AGFG2: variants seen among roughly 807,000 people sequenced by gnomAD.
The protein encoded by AGFG2 is arf-GAP domain and FG repeat-containing protein 2.
Under a neutral mutation model 48.0 loss-of-function variants are expected in AGFG2, and 31 were observed. The ratio of observed to expected loss-of-function variants is 0.65; its 90% CI spans 0.49 to 0.87. AGFG2 has a LOEUF of 0.87. AGFG2 is among the 40% of genes least tolerant of loss of function. The probability of loss-of-function intolerance (pLI) is 0.00; values close to 1 mark genes in which losing one functional copy is unlikely to be tolerated. For missense variants in AGFG2, 599 were observed against 632.6 expected (o/e 0.95, Z 0.57); for synonymous variants, 229 against 260.8 (o/e 0.88, Z 1.18).
rs748973775 is a variant in AGFG2, at chr7:100,550,494, A to G, written c.414A>G (p.Lys138=). The G allele has an allele frequency of 6.2e-7, 1 of 1,612,786 alleles. No homozygotes were observed. The highest frequency in any genetic ancestry group is 8.5e-7 in the Non-Finnish European group (1 of 1,178,864). ...PQKVKEFLQE[K]YEKKRWYVPP... is the part of the protein sequence containing the mutation. ...AAGTGAAGGAGTTTCTCCAGGAAAAATATGAGAAGAAGAGATGGTAAGGAG... is the reference window on the plus strand; with the variant it reads ...AAGTGAAGGAGTTTCTCCAGGAAAAGTATGAGAAGAAGAGATGGTAAGGAG... Residue 138 remains lysine, a synonymous_variant, in exon 3 of 12, where the codon AAA becomes AAG. Transcript: ENST00000300176.
intron 1 of AGFG2, among the ~76,000 whole-genome samples, chr7:100,544,348 T>C (rs1277094443): frequency 6.6e-6 from 1 of 152,210 alleles, no homozygotes; most frequent in Non-Finnish European, 1.5e-5. Flanking sequence ...GGGCTGGGTG[T>C]CAAGAATGCA....
At chr7:100,551,793 AG>A (rs1388605639) in intron 3 of AGFG2, among the ~76,000 whole-genome samples, 1 of 147,504 alleles carries the variant, frequency 6.8e-6, no homozygotes, top group African/African-American at 2.5e-5. Flanking sequence ...AGGCTGAGGC[AG>A]GAAAATTGCT....
In AGFG2 at chr7:100,562,648, C is replaced by T. The variant is rs181164917; in HGVS notation, c.1053C>T (p.Gly351=). ...VPPLQSVTMG[G]GGGSSTGLAF... is the part of the protein sequence containing the mutation. Reference sequence around the variant, plus strand: ...CGCTCCAGTCTGTCACGATGGGCGGCGGCGGCGGCAGCAGCACAGGGCTGG... The same window carrying T: ...CGCTCCAGTCTGTCACGATGGGCGGTGGCGGCGGCAGCAGCACAGGGCTGG... Residue 351 remains glycine, a synonymous_variant, in exon 8 of 12, where the codon GGC becomes GGT. Transcript: ENST00000300176. This position sits in a 1 kb window ranked among gnomAD's most constrained non-coding sequence, Gnocchi z 5.4. 41 of 1,610,102 alleles carry T rather than the reference C, an allele frequency of 2.5e-5. No individual in the cohort carries two copies. Among genetic ancestry groups the T allele is most frequent in the Middle Eastern group, 1.7e-4 (1 of 6,056 alleles).
intron 6 of AGFG2, 86 bp downstream of exon 6, chr7:100,555,821 C>G (rs1800749503): frequency 1.3e-6 from 2 of 1,541,262 alleles, no homozygotes; most frequent in Non-Finnish European, 1.8e-6. Flanking sequence ...TCCTCACTAT[C>G]CTAAAGAACT....
At chr7:100,554,682 T>C (rs774384868) in intron 5 of AGFG2, among the ~76,000 whole-genome samples, 7 of 151,974 alleles carry the variant, frequency 4.6e-5, no homozygotes, top group Non-Finnish European at 1.0e-4. Flanking sequence ...ACACCTGTAA[T>C]CCTAGCATTT....
intron 6 of AGFG2, among the ~76,000 whole-genome samples, chr7:100,559,743 T>G (rs1282822434): frequency 6.7e-6 from 1 of 149,390 alleles, no homozygotes; most frequent in Non-Finnish European, 1.5e-5. Flanking sequence ...AGCTGAGCCC[T>G]GAAGGTCGAG....
chr7:100,555,540 T>C, intron 5 of AGFG2, 70 bp from the exon 6 acceptor site: 1 of 1,552,590 alleles, frequency 6.4e-7, no homozygotes, highest in Non-Finnish European at 8.8e-7. Context: ...CCCAAAGTGC[T>C]GGAATTACAG....
chr7:100,543,040 A>G (rs759077918), intron 1 of AGFG2, among the ~76,000 whole-genome samples: 3 of 152,142 alleles, frequency 2.0e-5, no homozygotes, highest in Non-Finnish European at 2.9e-5. Context: ...AAACTGAGGT[A>G]TGATGCAAAG....
At chr7:100,541,109 G>A (rs1036859052) in intron 1 of AGFG2, among the ~76,000 whole-genome samples, 21 of 151,658 alleles carry the variant, frequency 1.4e-4, no homozygotes, top group Non-Finnish European at 2.4e-4. Flanking sequence ...GAGAACAGAA[G>A]CAAAGAGAGG....
Position 100,565,284 on chromosome 7 carries a change from T to G in AGFG2, c.*293T>G, listed in dbSNP as rs1800983027. Reference sequence around the variant, plus strand: ...GATTTTTTTCAAATGATCAGTCCCCTGTGGAACAGCTCTTCCCTGGGCCTA... The same window carrying G: ...GATTTTTTTCAAATGATCAGTCCCCGGTGGAACAGCTCTTCCCTGGGCCTA... On this transcript the variant is annotated 3_prime_UTR_variant, in exon 12 of 12. Coordinates refer to ENST00000300176, the MANE Select transcript of AGFG2 (RefSeq NM_006076.5). The G allele has an allele frequency of 2.0e-6, 1 of 490,936 alleles. No individual in the cohort carries two copies. The highest frequency in any genetic ancestry group is 1.9e-5 in the African/African-American group (1 of 51,436). The allele number at this position is 490,936 out of a possible 1,614,324, so 30.4% of individuals were successfully genotyped here.
chr7:100,541,795 G>A (rs936712205), intron 1 of AGFG2, among the ~76,000 whole-genome samples: 15 of 151,592 alleles, frequency 9.9e-5, no homozygotes, highest in African/African-American at 3.6e-4. Context: ...AGTATGTATA[G>A]GGTAAAGTAG....
chr7:100,549,010 G>A, intron 2 of AGFG2, 95 bp downstream of exon 2: 1 of 1,016,818 alleles, frequency 9.8e-7, no homozygotes. Context: ...TTTATTTTTG[G>A]TTGAGTTTCT....
At chr7:100,551,030 T>TTATATATATATATATATATATATA (rs373297543) in intron 3 of AGFG2, among the ~76,000 whole-genome samples, 15 of 56,026 alleles carry the variant, frequency 2.7e-4, no homozygotes, top group Non-Finnish European at 3.4e-4. Flanking sequence ...CCTGGCTAAT[T>TTATATATATATATATATATATATA]TATATATATA....
At chr7:100,551,051 TATATATATATATATATTTC>T (rs1800625093) in intron 3 of AGFG2, among the ~76,000 whole-genome samples, 3 of 84,730 alleles carry the variant, frequency 3.5e-5, no homozygotes, top group African/African-American at 1.2e-4. Flanking sequence ...TATATATATA[TATATATATATATATATTTC>T]TTTTTTTTTT....
chr7:100,563,435 A>T (rs1350989908), intron 9 of AGFG2, among the ~76,000 whole-genome samples: 2 of 152,174 alleles, frequency 1.3e-5, no homozygotes, highest in Non-Finnish European at 2.9e-5. Context: ...AACACAGAAG[A>T]GCTGTGTGGT....
In AGFG2 at chr7:100,565,766, C is replaced by T. The variant is rs1800993063; in HGVS notation, c.*775C>T. 1 of 152,448 alleles carries T rather than the reference C, an allele frequency of 6.6e-6. No homozygotes were observed. The highest frequency in any genetic ancestry group is 2.4e-5 in the African/African-American group (1 of 41,414). 9.4% of individuals were successfully genotyped at this position (152,448 alleles called of 1,614,324 possible). On this transcript the variant is annotated 3_prime_UTR_variant, in exon 12 of 12. Transcript: ENST00000300176. ...GTATGTGGGGAATGGGATGAATCCC[C>T]ATCTGTGCCTCGACCATCAAAGCCG...
At position 100,563,870 on chromosome 7, in the gene AGFG2, TC is replaced by T. The variant is rs1562796863; in HGVS notation, c.1213del (p.Gln405ArgfsTer36). The T allele has an allele frequency of 1.9e-6, 3 of 1,611,164 alleles. No individual in the cohort carries two copies. The highest frequency in any genetic ancestry group is 8.5e-7 in the Non-Finnish European group (1 of 1,179,998). On this transcript the variant is annotated frameshift_variant, in exon 10 of 12. Coordinates refer to ENST00000300176, the MANE Select transcript of AGFG2 (RefSeq NM_006076.5). LOFTEE classifies it high-confidence loss of function. ...GGGATGAGCAGTGCTGGGCCTGGCT[TC>T]CCCCAGGCAGTGCCACCCACTGGGG... ...GFGMSSAGPG[F>X]PQAVPPTGAF...
intron 3 of AGFG2, among the ~76,000 whole-genome samples, chr7:100,551,750 G>A (rs1353070770): frequency 1.3e-5 from 2 of 150,460 alleles, no homozygotes; most frequent in Non-Finnish European, 3.0e-5. Context: ...AGCTGGGTGT[G>A]GGGGTGGACA....
intron 6 of AGFG2, among the ~76,000 whole-genome samples, chr7:100,557,881 A>G (rs1800788313): frequency 6.6e-6 from 1 of 152,220 alleles, no homozygotes; most frequent in Non-Finnish European, 1.5e-5. Flanking sequence ...AAATATAATA[A>G]TGGACAAGAC....
Sources: gnomAD v4.1 joint callset for allele counts (sites outside exome capture counted in the v4.1 genomes callset) on GRCh38, gnomAD v4.1.1 for gene constraint, Gnocchi (gnomAD v3.1) non-coding constraint, MANE v1.5 for transcripts, NCBI Gene and HGNC (gene_info 2026-07-23, HGNC 2026-07-21) for gene names.